Variants in ACTR2 observed in about 807,000 individuals in gnomAD.
ACTR2 encodes the protein actin related protein 2.
A neutral mutation model predicts 50.2 loss-of-function variants in ACTR2; 5 were observed. The observed-to-expected ratio is 0.10, with a 90% confidence interval of 0.05 to 0.21. The LOEUF is 0.21. Ranked by LOEUF, ACTR2 falls within the 10% of genes least tolerant of loss-of-function variation. The probability of loss-of-function intolerance (pLI) is 1.00; values close to 1 mark genes in which losing one functional copy is unlikely to be tolerated. For synonymous variants in ACTR2, 140 were observed against 162.9 expected (o/e 0.86, Z 1.07); for missense variants, 180 against 480.6 (o/e 0.37, Z 5.85).
At chr2:65,229,548 G>A (rs1204878619) in intron 1 of ACTR2, among the ~76,000 whole-genome samples, 1 of 152,044 alleles carries the variant, frequency 6.6e-6, no homozygotes, top group East Asian at 1.9e-4. Context: ...CTGAAGTCAG[G>A]AGTTTGAGAC....
At chr2:65,264,143 C>A (rs913349307) in intron 7 of ACTR2, among the ~76,000 whole-genome samples, 1 of 152,186 alleles carries the variant, frequency 6.6e-6, no homozygotes, top group African/African-American at 2.4e-5. Context: ...ACCTTCTCCA[C>A]AGAGTTTGCA....
intron 3 of ACTR2, among the ~76,000 whole-genome samples, chr2:65,250,691 A>AAAAG (rs1558624997): frequency 1.3e-5 from 2 of 151,664 alleles, no homozygotes; most frequent in African/African-American, 2.4e-5. Context: ...AAAAAAAAAA[A>AAAAG]AAGAATTTCC....
chr2:65,230,472 C>T (rs553877048), intron 1 of ACTR2, among the ~76,000 whole-genome samples: 74 of 135,302 alleles, frequency 5.5e-4, no homozygotes, highest in South Asian at 9.1e-4. Flanking sequence ...AGAGCGATGG[C>T]GTGATCTCGG....
At chr2:65,253,652 C>G in intron 4 of ACTR2, 76 bp from the exon 5 acceptor site, 9 of 1,489,774 alleles carry the variant, frequency 6.0e-6, no homozygotes, top group Non-Finnish European at 8.2e-6. Context: ...TTTGGCTTCC[C>G]TACTGTATTT....
chr2:65,250,953 G>T, intron 3 of ACTR2, 74 bp from the exon 4 acceptor site: 1 of 1,054,968 alleles, frequency 9.5e-7, no homozygotes, highest in South Asian at 1.6e-5. Context: ...TTCACTCTGT[G>T]ACCATGAGGA....
intron 6 of ACTR2, among the ~76,000 whole-genome samples, chr2:65,258,590 A>G (rs1318669243): frequency 1.3e-5 from 2 of 152,134 alleles, no homozygotes; most frequent in African/African-American, 4.8e-5. Context: ...CCCTGTCTCA[A>G]AAACAAAACA....
At chr2:65,264,193 T>C (rs896913377) in intron 7 of ACTR2, among the ~76,000 whole-genome samples, 2 of 152,258 alleles carry the variant, frequency 1.3e-5, no homozygotes, top group Admixed American at 6.5e-5. Flanking sequence ...TTGTGTGTTC[T>C]GCATGTTGAA....
At chr2:65,259,174 A>C (rs575957656) in intron 6 of ACTR2, among the ~76,000 whole-genome samples, 3 of 152,052 alleles carry the variant, frequency 2.0e-5, no homozygotes, top group Admixed American at 6.6e-5. Flanking sequence ...CCATAATCCC[A>C]GCAATTTGGG....
intron 1 of ACTR2, among the ~76,000 whole-genome samples, chr2:65,238,300 C>T (rs1022763101): frequency 2.6e-5 from 4 of 152,204 alleles, no homozygotes; most frequent in East Asian, 1.9e-4. Flanking sequence ...GATATGTTCT[C>T]GGAGCAGTAC....
At chr2:65,268,312 TTAA>T (rs1439422949) in intron 8 of ACTR2, among the ~76,000 whole-genome samples, 3 of 152,186 alleles carry the variant, frequency 2.0e-5, no homozygotes, top group South Asian at 2.1e-4. Context: ...AAGGGTGGTA[TTAA>T]TAATGATGGG....
chr2:65,241,767 A>G lies in ACTR2; in HGVS notation c.159+1805A>G, dbSNP rs145295165. On this transcript the variant is annotated intron_variant, in intron 2 of 8. Coordinates refer to ENST00000260641, the MANE Select transcript of ACTR2 (RefSeq NM_005722.4). ...ACTTTTTGGAATTCCTGTGCTTAGT[A>G]TTTTGACTTATACTTTTTGTGTCTT... Among the ~76,000 whole-genome samples, 115 of 152,266 alleles carry G rather than the reference A, an allele frequency of 7.6e-4. 1 individual carries two copies. The highest frequency in any genetic ancestry group is 2.6e-3 in the African/African-American group (109 of 41,566).
chr2:65,268,526 C>T, intron 8 of ACTR2, 38 bp from the exon 9 acceptor site: 1 of 1,583,108 alleles, frequency 6.3e-7, no homozygotes, highest in Non-Finnish European at 8.6e-7. Context: ...AAGCACTGTG[C>T]ACATGTACCA....
intron 1 of ACTR2, among the ~76,000 whole-genome samples, chr2:65,229,088 A>T (rs778631178): frequency 4.4e-4 from 65 of 148,994 alleles, no homozygotes; most frequent in Non-Finnish European, 8.5e-4. Context: ...CTCAATTATA[A>T]AAAAAAAAAA....
At chr2:65,236,218 A>C (rs1671735570) in intron 1 of ACTR2, among the ~76,000 whole-genome samples, 1 of 151,902 alleles carries the variant, frequency 6.6e-6, no homozygotes, top group Non-Finnish European at 1.5e-5. Flanking sequence ...AGGCGCCTGT[A>C]GTCCCAGCTA....
At chr2:65,243,434 A>G (rs916201746) in intron 2 of ACTR2, among the ~76,000 whole-genome samples, 2 of 152,146 alleles carry the variant, frequency 1.3e-5, no homozygotes, top group African/African-American at 2.4e-5. Flanking sequence ...GTTCAAGACC[A>G]TCCTGGGCAA....
intron 2 of ACTR2, 60 bp from the exon 3 acceptor site, chr2:65,246,464 C>T (rs988418756): frequency 1.7e-6 from 2 of 1,157,624 alleles, no homozygotes; most frequent in Non-Finnish European, 2.4e-6. Context: ...ATTAATTATT[C>T]CCAAGTTTTC....
chr2:65,244,413 A>G (rs1447695142), intron 2 of ACTR2, among the ~76,000 whole-genome samples: 2 of 152,158 alleles, frequency 1.3e-5, no homozygotes, highest in Non-Finnish European at 2.9e-5. Context: ...AAATGTAGCA[A>G]TATTGAAATG....
Position 65,227,936 on chromosome 2 carries a change from G to A in ACTR2, c.27G>A (p.Val9=). 1 of 1,524,056 alleles carries A rather than the reference G, an allele frequency of 6.6e-7. No homozygotes were observed. The highest frequency in any genetic ancestry group is 2.8e-5 in the East Asian group (1 of 35,942). The allele number at this position is 1,524,056 out of a possible 1,614,324, so 94.4% of individuals were successfully genotyped here. The change falls in exon 1 of 9, where the codon GTG becomes GTA. Residue 9 remains valine (V), a synonymous_variant. Transcript: ENST00000260641. MDSQGRKV[V]VCDNGTGFVK... is the part of the protein sequence containing the mutation. Reference sequence around the variant, plus strand: ...TGGACAGCCAGGGCAGGAAGGTGGTGGTGTGCGACAACGGCACCGGGGTAA... The same window carrying A: ...TGGACAGCCAGGGCAGGAAGGTGGTAGTGTGCGACAACGGCACCGGGGTAA...
intron 4 of ACTR2, 99 bp from the exon 5 acceptor site, chr2:65,253,629 G>T (rs1042056369): frequency 5.0e-6 from 6 of 1,205,758 alleles, no homozygotes; most frequent in Non-Finnish European, 5.9e-6. Flanking sequence ...CTTCTAGTTG[G>T]TTACGTTTCT....
Sources: gnomAD v4.1 joint callset for allele counts (sites outside exome capture counted in the v4.1 genomes callset) on GRCh38, gnomAD v4.1.1 for gene constraint, MANE v1.5 for transcripts, NCBI Gene and HGNC (gene_info 2026-07-23, HGNC 2026-07-21) for gene names.